The following EHMT1 variants were observed in gnomAD, a reference collection of about 807,000 sequenced individuals.
EHMT1 encodes the protein euchromatic histone lysine methyltransferase 1.
In EHMT1, 15 loss-of-function variants were observed where a neutral mutation model predicts 147.2. The observed-to-expected ratio is 0.10, with a 90% CI of 0.07 to 0.16. EHMT1 has a LOEUF of 0.16. Ranked by LOEUF, EHMT1 falls within the 10% of genes least tolerant of loss-of-function variation. EHMT1 has a pLI of 1.00. For synonymous variants in EHMT1, 795 were observed against 709.6 expected (o/e 1.12, Z -1.91); for missense variants, 1,587 against 1,772.4 (o/e 0.90, Z 1.88).
chr9:137,788,235 G>C (rs571860261), intron 15 of EHMT1: 9 of 507,762 alleles, frequency 1.8e-5, no homozygotes, highest in Admixed American at 1.7e-4. Context: ...CTCCTCCCTG[G>C]AGTCCCCTAG....
At chr9:137,792,628 C>T (rs1198443126) in intron 16 of EHMT1, among the ~76,000 whole-genome samples, 1 of 152,194 alleles carries the variant, frequency 6.6e-6, no homozygotes, top group African/African-American at 2.4e-5. Context: ...TCGATTGAAC[C>T]CGGGAGGCGG....
intron 18 of EHMT1, among the ~76,000 whole-genome samples, chr9:137,806,281 T>G (rs1273412364): frequency 6.6e-6 from 1 of 151,648 alleles, no homozygotes; most frequent in Non-Finnish European, 1.5e-5. Context: ...TTTGAAAGAC[T>G]GCAGAAGAGC....
intron 1 of EHMT1, among the ~76,000 whole-genome samples, chr9:137,633,155 G>A (rs896552734): frequency 1.6e-4 from 25 of 152,092 alleles, no homozygotes; most frequent in African/African-American, 5.6e-4. Context: ...CCATTCACCC[G>A]GACAGGGAAG....
chr9:137,776,550 A>G lies in EHMT1; in HGVS notation c.1792-68A>G. 6.7e-7 allele frequency: 1 copy of G among 1,502,514 alleles called. No individual in the cohort carries two copies. The highest frequency in any genetic ancestry group is 9.2e-7 in the Non-Finnish European group (1 of 1,086,882). 93.1% of individuals were successfully genotyped at this position (1,502,514 alleles called of 1,614,324 possible). ...ATGTGGGATGCGGTGCCAGTTTAGT[A>G]GTACTTTATTTTTCTAAATATTAAC... On this transcript the variant is annotated intron_variant, in intron 11 of 26. Transcript: ENST00000460843. This position sits in a 1 kb window ranked among gnomAD's most constrained non-coding sequence, Gnocchi z 4.4.
intron 10 of EHMT1, among the ~76,000 whole-genome samples, chr9:137,767,232 G>A (rs1489951984): frequency 6.6e-6 from 1 of 152,208 alleles, no homozygotes; most frequent in African/African-American, 2.4e-5. Flanking sequence ...CAACCCTCCT[G>A]CCTCAGCCTC....
chr9:137,801,383 G>A (rs532127535), intron 18 of EHMT1, among the ~76,000 whole-genome samples: 133 of 152,324 alleles, frequency 8.7e-4, no homozygotes, highest in African/African-American at 2.4e-4. Flanking sequence ...GTGCAGTGGC[G>A]TAATCTTGGC....
chr9:137,716,448 T>G (rs3123504), intron 2 of EHMT1, among the ~76,000 whole-genome samples, 178 bp from the exon 3 acceptor site: 44 of 16,884 alleles, frequency 2.6e-3, no homozygotes, highest in African/African-American at 8.1e-3. Context: ...GGAAGTTGTG[T>G]TGGTGTCATG....
At position 137,716,943 on chromosome 9, in the gene EHMT1, C is replaced by G. The variant is rs1046702208; in HGVS notation, c.403C>G (p.Gln135Glu). The change falls in exon 3 of 27, where the codon CAG (glutamine) becomes GAG (glutamate). Residue 135 changes from glutamine (Q) to glutamate (E), a missense_variant. Transcript: ENST00000460843. ...YILNKPALQA[Q>E]PLRTTSTLAS... Reference sequence around the variant, plus strand: ...CTTAAATAAGCCGGCCCTACAGGCACAGCCCTTGAGGACTACCAGCACTCT... The same window carrying G: ...CTTAAATAAGCCGGCCCTACAGGCAGAGCCCTTGAGGACTACCAGCACTCT... The G allele has an allele frequency of 6.8e-6, 11 of 1,612,840 alleles. No homozygotes were observed. Among genetic ancestry groups the G allele is most frequent in the Non-Finnish European group, 7.6e-6 (9 of 1,179,856 alleles).
intron 1 of EHMT1, among the ~76,000 whole-genome samples, chr9:137,705,436 A>G (rs544717543): frequency 6.6e-6 from 1 of 152,240 alleles, no homozygotes; most frequent in African/African-American, 2.4e-5. Flanking sequence ...TTAAGTGGCA[A>G]GAACTGAAGC....
intron 6 of EHMT1, among the ~76,000 whole-genome samples, 183 bp from the exon 7 acceptor site, chr9:137,752,148 G>A (rs74984056): frequency 9.4e-4 from 143 of 152,318 alleles, no homozygotes; most frequent in African/African-American, 3.3e-3. Context: ...ACCAGCACTC[G>A]GTCACCCCAC....
At chr9:137,622,453 C>A (rs930865621) in intron 1 of EHMT1, among the ~76,000 whole-genome samples, 16 of 152,130 alleles carry the variant, frequency 1.1e-4, no homozygotes, top group Non-Finnish European at 7.3e-5. Flanking sequence ...AAGAAGCAGC[C>A]CACTTGCATC....
chr9:137,725,039 G>T (rs28620774), intron 3 of EHMT1, among the ~76,000 whole-genome samples: 14,793 of 142,324 alleles, frequency 0.1, 2,413 homozygotes, highest in African/African-American at 0.37. Flanking sequence ...GGCCTTCGTG[G>T]GGCATTCGTG....
In EHMT1 at chr9:137,776,584, A is replaced by C. The variant is rs1196379276; in HGVS notation, c.1792-34A>C. The stretch of plus-strand genomic sequence containing the variant: ...TTTTTCTAAATATTAACCCCAATTA[A>C]AACAAAAATTTTTTTTTGTCCTCCC... On this transcript the variant is annotated intron_variant, in intron 11 of 26. Transcript: ENST00000460843. The surrounding 1 kb of genome is among the most constrained non-coding windows in gnomAD (Gnocchi z 4.4). 6.2e-7 allele frequency: 1 copy of C among 1,611,464 alleles called. No homozygotes were observed. The highest frequency in any genetic ancestry group is 1.3e-5 in the African/African-American group (1 of 74,844).
chr9:137,768,305 C>T (rs2136470826), intron 10 of EHMT1, among the ~76,000 whole-genome samples: 1 of 150,370 alleles, frequency 6.7e-6, no homozygotes, highest in East Asian at 1.9e-4. Flanking sequence ...ATAGTTTTTC[C>T]ACTTATACCA....
At chr9:137,657,887 C>T (rs1222474817) in intron 1 of EHMT1, among the ~76,000 whole-genome samples, 1 of 151,834 alleles carries the variant, frequency 6.6e-6, no homozygotes, top group Non-Finnish European at 1.5e-5. Flanking sequence ...AAGTGATAGC[C>T]CCTAGACGTC....
chr9:137,709,844 C>T (rs566913647), intron 1 of EHMT1, among the ~76,000 whole-genome samples: 13 of 152,170 alleles, frequency 8.5e-5, no homozygotes, highest in African/African-American at 2.7e-4. Flanking sequence ...CACTCTGACC[C>T]GGAGGCTTCC....
intron 17 of EHMT1, among the ~76,000 whole-genome samples, chr9:137,800,205 C>T (rs1953341634): frequency 6.6e-6 from 1 of 152,226 alleles, no homozygotes; most frequent in African/African-American, 2.4e-5. Flanking sequence ...ATATGACCCT[C>T]ATTTTCAGAA....
chr9:137,814,581 C>T lies in EHMT1; in HGVS notation c.3258+73C>T, dbSNP rs573867236. Reference sequence around the variant, plus strand: ...TCCGGGTCTGCAAAAACAGTGCAGGCGTCTGTGACCCCAGCGCTGTCGTGG... The same window carrying T: ...TCCGGGTCTGCAAAAACAGTGCAGGTGTCTGTGACCCCAGCGCTGTCGTGG... On this transcript the variant is annotated intron_variant, in intron 22 of 26. Coordinates refer to ENST00000460843, the MANE Select transcript of EHMT1 (RefSeq NM_024757.5). The T allele has an allele frequency of 9.2e-6, 14 of 1,520,288 alleles. 1 individual carries two copies. Among genetic ancestry groups the T allele is most frequent in the South Asian group, 6.7e-5 (6 of 89,368 alleles). The allele number at this position is 1,520,288 out of a possible 1,614,324, so 94.2% of individuals were successfully genotyped here.
chr9:137,780,177 A>ACTGAGATGTGTGGTGATGACG (rs1345556666), intron 14 of EHMT1, among the ~76,000 whole-genome samples: 1 of 106,498 alleles, frequency 9.4e-6, no homozygotes, highest in Non-Finnish European at 1.8e-5. Flanking sequence ...TGACGGCATC[A>ACTGAGATGTGTGGTGATGACG]CTGAGATGTG....
Sources: allele counts gnomAD v4.1 joint callset (sites outside exome capture counted in the v4.1 genomes callset), GRCh38; gene constraint gnomAD v4.1.1; non-coding constraint Gnocchi (gnomAD v3.1); transcripts MANE v1.5; gene names NCBI Gene and HGNC (gene_info 2026-07-23, HGNC 2026-07-21).